The following ATP2C1 variants were observed in gnomAD, a reference collection of about 807,000 sequenced individuals.
ATP2C1 encodes the protein ATPase secretory pathway Ca2+ transporting 1, also known as calcium-transporting ATPase type 2C member 1.
ATP2C1 carries 31 observed loss-of-function variants against 120.5 expected under a neutral mutation model. That is an observed-to-expected ratio of 0.26 (90% CI 0.19 to 0.35). The LOEUF (loss-of-function observed/expected upper bound fraction) is 0.35. Ranked by LOEUF, ATP2C1 falls within the 10% of genes least tolerant of loss-of-function variation. ATP2C1 has a pLI of 1.00. For synonymous variants in ATP2C1, 351 were observed against 358.7 expected (o/e 0.98, Z 0.24); for missense variants, 731 against 1,107.5 (o/e 0.66, Z 4.83).
chr3:131,012,254 TTTTTTC>T (rs2063344377), intron 26 of ATP2C1, among the ~76,000 whole-genome samples: 2 of 96,080 alleles, frequency 2.1e-5, no homozygotes, highest in South Asian at 3.6e-4. Context: ...ATGGTTTTTC[TTTTTTC>T]TTTTTTTTTT....
Position 130,980,608 on chromosome 3 carries a change from A to G in ATP2C1, c.1768A>G (p.Thr590Ala), listed in dbSNP as rs748624097. The G allele has an allele frequency of 6.2e-7, 1 of 1,613,238 alleles. No individual in the cohort carries two copies. Among genetic ancestry groups the G allele is most frequent in the South Asian group, 1.1e-5 (1 of 91,066 alleles). ...IASRLGLYSK[T>A]SQSVSGEEID... The stretch of plus-strand genomic sequence containing the variant: ...CAGTCGTCTGGGATTGTATTCCAAA[A>G]CTTCCCAGTCAGTCTCAGGAGAAGA... The change falls in exon 20 of 28, where the codon ACT becomes GCT. Residue 590 changes from threonine to alanine, a missense_variant. Thr to Ala is a moderately conservative substitution (Grantham distance 58, BLOSUM62 0). Around this residue, in one of 3 missense-constraint regions of ATP2C1, gnomAD observed 571 missense variants for 845.9 expected, o/e 0.67. Coordinates refer to ENST00000510168, the MANE Select transcript of ATP2C1 (RefSeq NM_001378687.1).
At chr3:130,991,659 A>G (rs1009581943) in intron 20 of ATP2C1, among the ~76,000 whole-genome samples, 1 of 152,180 alleles carries the variant, frequency 6.6e-6, no homozygotes, top group South Asian at 2.1e-4. Flanking sequence ...TTGTATACTG[A>G]CGGTAAAGAT....
intron 20 of ATP2C1, among the ~76,000 whole-genome samples, chr3:130,989,642 T>C (rs2062219058): frequency 6.6e-6 from 1 of 152,186 alleles, no homozygotes. Context: ...GAGCCCGTTC[T>C]ACTCTATGGA....
chr3:130,878,790 T>TA (rs1445378014), intron 1 of ATP2C1, among the ~76,000 whole-genome samples: 1 of 152,198 alleles, frequency 6.6e-6, no homozygotes, highest in Non-Finnish European at 1.5e-5. Flanking sequence ...ACTTGATGCT[T>TA]ATCTCTTGCT....
intron 11 of ATP2C1, among the ~76,000 whole-genome samples, chr3:130,957,710 G>A (rs1461887597): frequency 6.6e-6 from 1 of 151,996 alleles, no homozygotes; most frequent in African/African-American, 2.4e-5. Flanking sequence ...ACCACACCTG[G>A]CTAATTTTTT....
chr3:131,007,836 G>A (rs1243508121), downstream of ATP2C1, among the ~76,000 whole-genome samples: 1 of 152,156 alleles, frequency 6.6e-6, no homozygotes, highest in Non-Finnish European at 1.5e-5. Context: ...CGTGATATGT[G>A]CATCTTACAA....
downstream of ATP2C1, among the ~76,000 whole-genome samples, chr3:131,005,342 T>C (rs1406141479): frequency 6.6e-6 from 1 of 152,118 alleles, no homozygotes; most frequent in Non-Finnish European, 1.5e-5. Context: ...GGTCTCGAAC[T>C]CCTAAGCTCA....
intron 2 of ATP2C1, among the ~76,000 whole-genome samples, chr3:130,907,326 T>G (rs970583965): frequency 2.0e-5 from 3 of 152,110 alleles, no homozygotes; most frequent in Admixed American, 6.6e-5. Context: ...TATATATGTG[T>G]TTCTTTTATT....
intron 26 of ATP2C1, chr3:131,014,183 G>C: frequency 6.2e-7 from 1 of 1,613,190 alleles, no homozygotes; most frequent in Non-Finnish European, 8.5e-7. Flanking sequence ...TAGAACAGCT[G>C]GTATTCTGTT....
At chr3:130,915,259 A>G (rs545411497) in intron 2 of ATP2C1, among the ~76,000 whole-genome samples, 2 of 152,032 alleles carry the variant, frequency 1.3e-5, no homozygotes, top group East Asian at 1.9e-4. Context: ...ACGTCCAGCT[A>G]ATTTTTGTAT....
chr3:130,871,038 C>T lies in ATP2C1; in HGVS notation c.108+20110C>T, dbSNP rs72628523. 0.018 allele frequency among the ~76,000 whole-genome samples: 2,736 copies of T among 152,312 alleles called. 152 individuals carry two copies. The East Asian group carries it at 0.21, about 12-fold the overall frequency. On this transcript the variant is annotated intron_variant, in intron 1 of 26. Transcript: ENST00000504381. ...TCCCCTACCAGCCAAAATATTATGA[C>T]TCATTGATGGTTCAGATGATCATTA...
chr3:130,996,570 C>A, intron 23 of ATP2C1, 110 bp from the exon 24 acceptor site: 2 of 798,456 alleles, frequency 2.5e-6, no homozygotes, highest in South Asian at 1.4e-5. Context: ...TTGAAACAGT[C>A]TTCCTTTAAA....
Position 130,953,881 on chromosome 3 carries a change from G to A in ATP2C1, c.592G>A (p.Val198Met). ...AGGTGAGACAACGCCTTGTTCTAAG[G>A]TGACAGCTCCTCAGCCAGCTGCAAC... ...LTGETTPCSK[V>M]TAPQPAATNG... is the part of the protein sequence containing the mutation. Residue 198 changes from valine (V) to methionine (M), a missense_variant, in exon 9 of 28, where the codon GTG becomes ATG. By Grantham distance (21) the Val-to-Met change is conservative. Transcript: ENST00000510168. 1.2e-6 allele frequency: 2 copies of A among 1,614,030 alleles called. No individual in the cohort carries two copies. The highest frequency in any genetic ancestry group is 1.7e-6 in the Non-Finnish European group (2 of 1,179,974).
chr3:130,926,223 CTCTG>C (rs1403364955), intron 2 of ATP2C1, among the ~76,000 whole-genome samples: 4 of 152,140 alleles, frequency 2.6e-5, no homozygotes, highest in Admixed American at 6.5e-5. Flanking sequence ...CCACATGTTG[CTCTG>C]TCTGTCAGAA....
chr3:130,936,548 C>T (rs1330864764), intron 5 of ATP2C1, among the ~76,000 whole-genome samples: 3 of 152,004 alleles, frequency 2.0e-5, no homozygotes, highest in Non-Finnish European at 1.5e-5. Flanking sequence ...CATGGTGGCT[C>T]ATGCCTGTAA....
intron 27 of ATP2C1, 45 bp from the exon 28 acceptor site, chr3:131,001,175 G>GT: frequency 7.0e-7 from 1 of 1,431,650 alleles, no homozygotes; most frequent in South Asian, 1.1e-5. Context: ...CTTTGCAACT[G>GT]TAAGTTTCAA....
intron 1 of ATP2C1, among the ~76,000 whole-genome samples, chr3:130,857,452 T>C (rs905223896): frequency 8.5e-5 from 13 of 152,168 alleles, no homozygotes; most frequent in African/African-American, 2.9e-4. Context: ...TCCATTCAAT[T>C]CTACCCCTAA....
At chr3:130,895,299 A>G (rs867178697) in intron 2 of ATP2C1, among the ~76,000 whole-genome samples, 5 of 152,212 alleles carry the variant, frequency 3.3e-5, no homozygotes, top group African/African-American at 1.2e-4. Context: ...ATGTTATGAG[A>G]TGAGTGCTTT....
intron 8 of ATP2C1, among the ~76,000 whole-genome samples, chr3:130,944,001 C>G (rs1347836149): frequency 6.6e-6 from 1 of 152,176 alleles, no homozygotes; most frequent in Admixed American, 6.5e-5. Context: ...TTTGATACTA[C>G]TGTATGAAAT....
Sources: allele counts gnomAD v4.1 joint callset (sites outside exome capture counted in the v4.1 genomes callset), GRCh38; gene constraint gnomAD v4.1.1; regional missense constraint gnomAD v4.1.1; transcripts MANE v1.5; gene names NCBI Gene and HGNC (gene_info 2026-07-23, HGNC 2026-07-21).